WDR72: variants seen among roughly 807,000 people sequenced by gnomAD.
WDR72 encodes the protein WD repeat domain 72.
WDR72 carries 120 observed loss-of-function variants against 124.2 expected under a neutral mutation model. The observed-to-expected ratio is 0.97, with a 90% CI of 0.83 to 1.12. The LOEUF is 1.12. Ranked by LOEUF, WDR72 falls within the 50% of genes most tolerant of loss-of-function variation. The pLI is 0.00. For missense variants in WDR72, 1,387 were observed against 1,278.8 expected, an observed-to-expected ratio of 1.08 and a Z score of -1.29; for synonymous variants, 452 against 441.7, an observed-to-expected ratio of 1.02 and a Z score of -0.29.
At chr15:53,596,474 A>G (rs1346294154) in intron 18 of WDR72, among the ~76,000 whole-genome samples, 1 of 152,166 alleles carries the variant, frequency 6.6e-6, no homozygotes, top group Non-Finnish European at 1.5e-5. Flanking sequence ...CCATAAAAAT[A>G]GTTTATTTTT....
At chr15:53,679,525 G>A (rs1248607992) in intron 13 of WDR72, among the ~76,000 whole-genome samples, 1 of 152,178 alleles carries the variant, frequency 6.6e-6, no homozygotes, top group Non-Finnish European at 1.5e-5. Flanking sequence ...AGTGTCATAT[G>A]AGGCTGAGGA....
At chr15:53,743,588 C>G (rs969522525) in intron 1 of WDR72, among the ~76,000 whole-genome samples, 3 of 152,060 alleles carry the variant, frequency 2.0e-5, no homozygotes, top group African/African-American at 7.2e-5. Context: ...TTTTTACTTT[C>G]TAGAAAAAGC....
chr15:53,629,547 T>G (rs2014343010), intron 14 of WDR72, among the ~76,000 whole-genome samples: 1 of 152,018 alleles, frequency 6.6e-6, no homozygotes, highest in African/African-American at 2.4e-5. Context: ...AAAAGTATAA[T>G]AATTATATTA....
At chr15:53,564,322 A>G (rs1894224534) in intron 18 of WDR72, among the ~76,000 whole-genome samples, 1 of 151,872 alleles carries the variant, frequency 6.6e-6, no homozygotes, top group South Asian at 2.1e-4. Flanking sequence ...GTTTCTCATA[A>G]TTTAAATTTT....
chr15:53,737,971 C>CAATA, intron 1 of WDR72, among the ~76,000 whole-genome samples: 1 of 152,064 alleles, frequency 6.6e-6, no homozygotes, highest in East Asian at 1.9e-4. Context: ...TGACCACAAT[C>CAATA]AATAAAAATC....
chr15:53,567,129 T>C (rs1012468249), intron 18 of WDR72, among the ~76,000 whole-genome samples: 15 of 151,994 alleles, frequency 9.9e-5, no homozygotes, highest in African/African-American at 3.6e-4. Context: ...CCACCTCGTA[T>C]AAATCTACAG....
At chr15:53,627,718 A>G (rs1300364486) in intron 14 of WDR72, among the ~76,000 whole-genome samples, 3 of 150,532 alleles carry the variant, frequency 2.0e-5, no homozygotes, top group Non-Finnish European at 2.9e-5. Flanking sequence ...AGGATGACAT[A>G]TTGTGAACCA....
intron 14 of WDR72, among the ~76,000 whole-genome samples, chr15:53,658,545 A>C (rs1374875948): frequency 6.6e-6 from 1 of 152,196 alleles, no homozygotes; most frequent in East Asian, 1.9e-4. Flanking sequence ...TGCCATCTAT[A>C]CAAAAAGGTA....
intron 18 of WDR72, among the ~76,000 whole-genome samples, chr15:53,571,152 G>A (rs1894511476): frequency 6.6e-6 from 1 of 151,990 alleles, no homozygotes; most frequent in African/African-American, 2.4e-5. Flanking sequence ...TGGGTGGTGG[G>A]GGAAAGAGGG....
intron 3 of WDR72, among the ~76,000 whole-genome samples, chr15:53,720,730 C>CT (rs2140572464): frequency 6.6e-6 from 1 of 152,298 alleles, no homozygotes; most frequent in South Asian, 2.1e-4. Flanking sequence ...TTCTCACTGT[C>CT]TACCTACAGG....
rs138092181 is a variant in WDR72 at position 53,699,912 on chromosome 15, C to T, written c.1603G>A (p.Gly535Ser). Residue 535 changes from glycine (G) to serine (S), a missense_variant, in exon 13 of 20, where the codon GGT becomes AGT. Physicochemically the swap from Gly to Ser is moderately conservative, Grantham distance 56. Coordinates refer to ENST00000360509, the MANE Select transcript of WDR72 (RefSeq NM_182758.4). Reference protein sequence around the residue: ...RGEQIICCVCGDHSVALLHLE... With the variant: ...RGEQIICCVCSDHSVALLHLE... The stretch of plus-strand genomic sequence containing the variant: ...TGAAGGAGAGCCACGGAATGGTCAC[C>T]GCACACACAGCAAATTATCTGCTCA... 2.4e-5 allele frequency: 39 copies of T among 1,613,994 alleles called. No homozygotes were observed. Among genetic ancestry groups the T allele is most frequent in the Middle Eastern group, 1.6e-4 (1 of 6,082 alleles).
intron 1 of WDR72, among the ~76,000 whole-genome samples, chr15:53,739,462 A>G (rs1711769292): frequency 6.6e-6 from 1 of 152,198 alleles, no homozygotes; most frequent in African/African-American, 2.4e-5. Context: ...CTACTATAAG[A>G]AGAGGGGGAA....
chr15:53,752,043 C>G (rs1258729088), intron 1 of WDR72, among the ~76,000 whole-genome samples: 3 of 152,070 alleles, frequency 2.0e-5, no homozygotes, highest in Admixed American at 6.5e-5. Flanking sequence ...AAACAATATT[C>G]CGATAAATGA....
At chr15:53,702,901 CAT>C (rs2017227686) in intron 11 of WDR72, among the ~76,000 whole-genome samples, 1 of 117,626 alleles carries the variant, frequency 8.5e-6, no homozygotes, top group Non-Finnish European at 1.7e-5. Context: ...TATTTTCATT[CAT>C]TTTTTTTTTT....
chr15:53,675,903 T>G (rs1368079000), intron 13 of WDR72, among the ~76,000 whole-genome samples: 1 of 152,076 alleles, frequency 6.6e-6, no homozygotes, highest in South Asian at 2.1e-4. Flanking sequence ...ATAGTAGAGA[T>G]GAGAGTACCA....
intron 17 of WDR72, among the ~76,000 whole-genome samples, chr15:53,606,773 T>C (rs576378973): frequency 3.3e-5 from 5 of 152,262 alleles, no homozygotes; most frequent in Admixed American, 1.3e-4. Flanking sequence ...TGAGTTCAAA[T>C]GAGCTTTACG....
At chr15:53,623,955 CAT>C (rs547416575) in intron 14 of WDR72, among the ~76,000 whole-genome samples, 80 of 152,228 alleles carry the variant, frequency 5.3e-4, no homozygotes, top group African/African-American at 1.9e-3. Flanking sequence ...AGCATCTTTT[CAT>C]ATGTTTCTTG....
intron 2 of WDR72, among the ~76,000 whole-genome samples, chr15:53,729,522 C>G (rs1168975382): frequency 6.6e-6 from 1 of 151,954 alleles, no homozygotes. Flanking sequence ...AACCCCTCAG[C>G]CTGTGGGATT....
intron 17 of WDR72, among the ~76,000 whole-genome samples, chr15:53,602,127 TAACA>T (rs1373016189): frequency 6.6e-6 from 1 of 152,052 alleles, no homozygotes; most frequent in Non-Finnish European, 1.5e-5. Flanking sequence ...ACTGAAATCA[TAACA>T]AACAGTCACC....
Sources: gnomAD v4.1 joint callset for allele counts (sites outside exome capture counted in the v4.1 genomes callset) on GRCh38, gnomAD v4.1.1 for gene constraint, MANE v1.5 for transcripts, NCBI Gene and HGNC (gene_info 2026-07-23, HGNC 2026-07-21) for gene names.